Variants in FN1 observed in about 807,000 individuals in gnomAD.
FN1 encodes the protein fibronectin.
FN1 carries 106 observed loss-of-function variants against 297.3 expected under a neutral mutation model. The observed-to-expected ratio is 0.36, with a 90% confidence interval of 0.30 to 0.42. The LOEUF is 0.42. Among genes scored for constraint, FN1 ranks in the 10% least tolerant of loss-of-function variants. FN1 has a pLI of 1.00. For synonymous variants in FN1, 1,149 were observed against 1,152.6 expected (o/e 1.00, Z 0.06); for missense variants, 2,690 against 3,124.9 (o/e 0.86, Z 3.32).
chr2:215,435,702 T>C lies in FN1; in HGVS notation c.101A>G (p.Gln34Arg). ...CGGGGACTGGGGCTGAACCATTTGCTGAGCCTGCCTCTTGCTCTTCGAGGC... is the reference window on the plus strand; with the variant it reads ...CGGGGACTGGGGCTGAACCATTTGCCGAGCCTGCCTCTTGCTCTTCGAGGC... ...TGASKSKRQA[Q>R]QMVQPQSPVA... The change falls in exon 1 of 46, where the codon CAG becomes CGG. Residue 34 changes from glutamine (Q) to arginine (R), a missense_variant. Physicochemically the swap from Gln to Arg is conservative, Grantham distance 43. This residue lies in a region of FN1 where 876 missense variants were observed against 1,058.1 expected (regional missense o/e 0.83). Transcript: ENST00000354785. 1.2e-6 allele frequency: 2 copies of C among 1,613,014 alleles called. No homozygotes were observed. Among genetic ancestry groups the C allele is most frequent in the Non-Finnish European group, 1.7e-6 (2 of 1,179,824 alleles).
At chr2:215,361,910 AC>A (rs2053532973) in intron 45 of FN1, 58 bp downstream of exon 45, 1 of 1,600,942 alleles carries the variant, frequency 6.2e-7, no homozygotes, top group Admixed American at 1.7e-5. Context: ...GAAGAAAGAT[AC>A]CTGTAGAAAG....
rs2059726249 is a variant in FN1 at position 215,391,713 on chromosome 2, C to A, written c.4171G>T (p.Val1391Leu). ...TCATTTTTCACAGGTGAGTAACGCA[C>A]CAGGAAGTTGGTTAAATCAATGGAT... ...PPSIDLTNFLVRYSPVKNEED... is the reference protein window; with the variant it reads ...PPSIDLTNFLLRYSPVKNEED... The change falls in exon 26 of 46, where the codon GTG (valine) becomes TTG (leucine). Residue 1391 changes from valine to leucine, a missense_variant. By Grantham distance (32) the Val-to-Leu change is conservative (BLOSUM62 1). Transcript: ENST00000354785. 1 of 1,614,086 alleles carries A rather than the reference C, an allele frequency of 6.2e-7. No homozygotes were observed. Among genetic ancestry groups the A allele is most frequent in the African/African-American group, 1.3e-5 (1 of 75,022 alleles).
chr2:215,407,022 T>C, intron 18 of FN1, 105 bp downstream of exon 18: 1 of 881,272 alleles, frequency 1.1e-6, no homozygotes, highest in Non-Finnish European at 1.9e-6. Flanking sequence ...AAAACTAATA[T>C]ATAAGATTTC....
Position 215,406,368 on chromosome 2 carries a change from C to T in FN1, c.2856G>A (p.Gln952=). 1 of 1,614,228 alleles carries T rather than the reference C, an allele frequency of 6.2e-7. No homozygotes were observed. The highest frequency in any genetic ancestry group is 8.5e-7 in the Non-Finnish European group (1 of 1,180,042). ...AGGTGTTCCTGCTGATGGGCAGCCT[C>T]TGCCCGTGCTCGCCAGGCAGGTTGA... ...IPVNLPGEHG[Q]RLPISRNTFA... Residue 952 remains glutamine (Q), a synonymous_variant, in exon 19 of 46, where the codon CAG becomes CAA. Transcript: ENST00000354785.
Position 215,365,504 on chromosome 2 carries a change from C to T in FN1, c.7144+1G>A, listed in dbSNP as rs112323657. The stretch of plus-strand genomic sequence containing the variant: ...ACTAAAAATGATCTGTGATGACATA[C>T]GAGGGTCACACTTGAATTCTCCTTT... On this transcript the variant is annotated splice_donor_variant, in intron 43 of 45. Transcript: ENST00000354785. LOFTEE classifies it high-confidence loss of function. The T allele has an allele frequency of 1.2e-6, 2 of 1,613,776 alleles. No homozygotes were observed. Among genetic ancestry groups the T allele is most frequent in the East Asian group, 2.2e-5 (1 of 44,880 alleles).
chr2:215,404,431 C>T lies in FN1; in HGVS notation c.3211G>A (p.Gly1071Ser). ...EYTVSLVAIK[G>S]NQESPKATGV... The stretch of plus-strand genomic sequence containing the variant: ...GTGGCTTTGGGGCTCTCTTGGTTGC[C>T]CTTTATGGCCACGAGGGATACGGTG... Residue 1071 changes from glycine to serine, a missense_variant, in exon 20 of 46, where the codon GGC becomes AGC. Gly to Ser is a moderately conservative substitution (Grantham distance 56). Coordinates refer to ENST00000354785, the MANE Select transcript of FN1 (RefSeq NM_212482.4). The T allele has an allele frequency of 1.2e-6, 2 of 1,613,896 alleles. No individual in the cohort carries two copies. Among genetic ancestry groups the T allele is most frequent in the East Asian group, 2.2e-5 (1 of 44,880 alleles).
At chr2:215,366,068 T>A (rs1172274539) in intron 42 of FN1, among the ~76,000 whole-genome samples, 2 of 148,552 alleles carry the variant, frequency 1.3e-5, no homozygotes, top group African/African-American at 5.0e-5. Context: ...TCCACCCGCC[T>A]CAGCCTCCAA....
At chr2:215,397,288 C>T in intron 22 of FN1, 65 bp from the exon 23 acceptor site, 1 of 1,140,584 alleles carries the variant, frequency 8.8e-7, no homozygotes, top group Middle Eastern at 1.9e-4. Flanking sequence ...GTAATCTTTC[C>T]TCCTTCCCTA....
At chr2:215,383,202 T>G (rs773819785) in intron 31 of FN1, 126 bp downstream of exon 31, 5 of 933,134 alleles carry the variant, frequency 5.4e-6, no homozygotes, top group African/African-American at 1.6e-5. Context: ...CAGACGGGGT[T>G]TCGCCATATT....
rs141041032 is a variant in FN1, at chr2:215,379,209, G to T, written c.5543C>A (p.Thr1848Asn). 4.3e-6 allele frequency: 7 copies of T among 1,613,922 alleles called. No homozygotes were observed. Among genetic ancestry groups the T allele is most frequent in the Non-Finnish European group, 5.1e-6 (6 of 1,180,010 alleles). ...VQLTGYRVRVTPKEKTGPMKE... is the reference protein window; with the variant it reads ...VQLTGYRVRVNPKEKTGPMKE... ...CATTGGTCCGGTCTTCTCCTTGGGG[G>T]TCACCCGCACTCGATATCCAGTGAG... The change falls in exon 34 of 46, where the codon ACC becomes AAC. Residue 1848 changes from threonine to asparagine, a missense_variant. This residue lies in a region of FN1 where 1,743 missense variants were observed against 1,945.2 expected (regional missense o/e 0.90). Coordinates refer to ENST00000354785, the MANE Select transcript of FN1 (RefSeq NM_212482.4).
chr2:215,434,317 T>C (rs1297353916), intron 2 of FN1, among the ~76,000 whole-genome samples: 2 of 152,216 alleles, frequency 1.3e-5, no homozygotes, highest in African/African-American at 4.8e-5. Context: ...CAAATCATTT[T>C]ACGATGTAAG....
chr2:215,361,530 T>C lies in FN1; in HGVS notation c.*25A>G, dbSNP rs761308241. 15 of 1,522,186 alleles carry C rather than the reference T, an allele frequency of 9.9e-6. No homozygotes were observed. The highest frequency in any genetic ancestry group is 1.4e-5 in the African/African-American group (1 of 73,140). The allele number at this position is 1,522,186 out of a possible 1,614,324, so 94.3% of individuals were successfully genotyped here. Reference sequence around the variant, plus strand: ...ATGGATCTTGGCAGAGAGACATGCTTGTTCCTCTGGATTGGAAAGATGATT... The same window carrying C: ...ATGGATCTTGGCAGAGAGACATGCTCGTTCCTCTGGATTGGAAAGATGATT... On this transcript the variant is annotated 3_prime_UTR_variant, in exon 46 of 46. Coordinates refer to ENST00000354785, the MANE Select transcript of FN1 (RefSeq NM_212482.4).
At chr2:215,416,695 A>C (rs1253644230) in intron 12 of FN1, among the ~76,000 whole-genome samples, 2 of 152,214 alleles carry the variant, frequency 1.3e-5, no homozygotes, top group Non-Finnish European at 2.9e-5. Context: ...TGATGGATAA[A>C]TGTCTATTAA....
At position 215,386,816 on chromosome 2, in the gene FN1, A is replaced by G; in HGVS notation, c.4485T>C (p.Asp1495=). Residue 1495 remains aspartate (D), a synonymous_variant, in exon 28 of 46, where the codon GAT becomes GAC. Transcript: ENST00000354785. Reference sequence around the variant, plus strand: ...TGGAATTCCGAGAGTGGGGCACCCGATCTTCTCGAGGTCTCCCACTGAAGT... The same window carrying G: ...TGGAATTCCGAGAGTGGGGCACCCGGTCTTCTCGAGGTCTCCCACTGAAGT... The part of the protein sequence containing the change: ...PEHFSGRPRE[D]RVPHSRNSIT... The G allele has an allele frequency of 6.2e-7, 1 of 1,613,888 alleles. No homozygotes were observed. Among genetic ancestry groups the G allele is most frequent in the Non-Finnish European group, 8.5e-7 (1 of 1,179,958 alleles).
intron 42 of FN1, among the ~76,000 whole-genome samples, chr2:215,366,548 C>T (rs1413767760): frequency 2.6e-5 from 4 of 152,216 alleles, no homozygotes; most frequent in Non-Finnish European, 5.9e-5. Context: ...CTAAAAGTCA[C>T]AGTTTTATGC....
chr2:215,401,561 A>C (rs1024310954), intron 20 of FN1, among the ~76,000 whole-genome samples: 5 of 152,160 alleles, frequency 3.3e-5, no homozygotes, highest in African/African-American at 1.2e-4. Context: ...CATCTCAATC[A>C]AATTTTGTTC....
At chr2:215,391,274 A>G (rs2059673603) in intron 26 of FN1, among the ~76,000 whole-genome samples, 1 of 152,228 alleles carries the variant, frequency 6.6e-6, no homozygotes, top group Non-Finnish European at 1.5e-5. Flanking sequence ...ACATATGGTG[A>G]CACTATTTTC....
chr2:215,411,807 C>T (rs1275853137), intron 13 of FN1, among the ~76,000 whole-genome samples: 1 of 151,828 alleles, frequency 6.6e-6, no homozygotes, highest in Non-Finnish European at 1.5e-5. Flanking sequence ...GCTGGGATTA[C>T]AGGTATGCGC....
Position 215,435,785 on chromosome 2 carries a change from C to T in FN1, c.18G>A (p.Gly6=), listed in dbSNP as rs755207753. The change falls in exon 1 of 46, where the codon GGG becomes GGA. Residue 6 remains glycine (G), a synonymous_variant. Coordinates refer to ENST00000354785, the MANE Select transcript of FN1 (RefSeq NM_212482.4). The part of the protein sequence containing the change: MLRGP[G]PGLLLLAVQC... ...GGACGGCCAGCAGCAGCAGCCCGGG[C>T]CCCGGACCCCTAAGCATGTTGAGAC... 1.1e-5 allele frequency: 18 copies of T among 1,566,606 alleles called. No homozygotes were observed. Among genetic ancestry groups the T allele is most frequent in the Middle Eastern group, 1.8e-4 (1 of 5,502 alleles).
Sources: allele counts gnomAD v4.1 joint callset (sites outside exome capture counted in the v4.1 genomes callset), GRCh38; gene constraint gnomAD v4.1.1; regional missense constraint gnomAD v4.1.1; transcripts MANE v1.5; gene names NCBI Gene and HGNC (gene_info 2026-07-23, HGNC 2026-07-21).